Variants in ERCC1 observed in about 807,000 individuals in gnomAD.
ERCC1 encodes ERCC excision repair 1, endonuclease non-catalytic subunit.
ERCC1 carries 36 observed loss-of-function variants against 37.6 expected under a neutral mutation model. That is an observed-to-expected ratio of 0.96 (90% CI 0.73 to 1.26). ERCC1 has a LOEUF of 1.26. Among genes scored for constraint, ERCC1 ranks in the 50% most tolerant of loss-of-function variants. ERCC1 has a pLI of 0.00. For synonymous variants in ERCC1, 156 were observed against 162.1 expected, an observed-to-expected ratio of 0.96 and a Z score of 0.28; for missense variants, 349 against 376.5, an observed-to-expected ratio of 0.93 and a Z score of 0.60.
chr19:45,420,548 C>G lies in ERCC1; in HGVS notation c.322-121G>C, dbSNP rs1974354365. 9 of 712,282 alleles carry G rather than the reference C, an allele frequency of 1.3e-5. No homozygotes were observed. Among genetic ancestry groups the G allele is most frequent in the Non-Finnish European group, 2.3e-5 (9 of 392,464 alleles). The allele number at this position is 712,282 out of a possible 1,614,324, so 44.1% of individuals were successfully genotyped here. On this transcript the variant is annotated intron_variant, in intron 3 of 9. Coordinates refer to ENST00000300853, the MANE Select transcript of ERCC1 (RefSeq NM_001983.4). This position sits in a 1 kb window ranked among gnomAD's most constrained non-coding sequence, Gnocchi z 4.8. ...CACCTCTTCCCACACCTCCTGCCTC[C>G]TCGCACCTCTTCCCACACCTCCTCC...
At chr19:45,427,157 A>C (rs529314910), upstream of ERCC1, among the ~76,000 whole-genome samples, 6 of 151,764 alleles carry the variant, frequency 4.0e-5, no homozygotes, top group Non-Finnish European at 5.9e-5. Flanking sequence ...AACAAACAAA[A>C]AAACGAAAGA....
Position 45,420,215 on chromosome 19 carries a change from G to A in ERCC1, c.425+109C>T. 1 of 785,566 alleles carries A rather than the reference G, an allele frequency of 1.3e-6. No homozygotes were observed. The highest frequency in any genetic ancestry group is 2.2e-6 in the Non-Finnish European group (1 of 457,700). 48.7% of individuals were successfully genotyped at this position (785,566 alleles called of 1,614,324 possible). A position where few individuals can be genotyped will look rare whatever the true frequency, so the allele number is the denominator to read the frequency against. On this transcript the variant is annotated intron_variant, in intron 4 of 9. Coordinates refer to ENST00000300853, the MANE Select transcript of ERCC1 (RefSeq NM_001983.4). This position sits in a 1 kb window ranked among gnomAD's most constrained non-coding sequence, Gnocchi z 4.8. ...GTCCCACCAAGGCCCAGAACCTGCA[G>A]GACCATGCCCAGAGGCTTCTCATAG...
chr19:45,422,564 G>A (rs3212942), intron 2 of ERCC1, among the ~76,000 whole-genome samples: 2,108 of 152,118 alleles, frequency 0.014, 29 homozygotes, highest in South Asian at 0.054. Flanking sequence ...CTTGAGGTTC[G>A]AGACCAGCCT....
At position 45,419,142 on chromosome 19, in the gene ERCC1, C is replaced by G; in HGVS notation, c.481G>C (p.Gly161Arg). Residue 161 changes from glycine to arginine, a missense_variant, in exon 5 of 10, where the codon GGG becomes CGG. Coordinates refer to ENST00000300853, the MANE Select transcript of ERCC1 (RefSeq NM_001983.4). ...DYIHGRLQSL[G>R]KNFALRVLLV... ...AGGACCCGCAAGGCGAAGTTCTTCC[C>G]CAGGCTCTGCAGCCGCCCATGGATG... The G allele has an allele frequency of 6.3e-7, 1 of 1,596,570 alleles. No homozygotes were observed. Among genetic ancestry groups the G allele is most frequent in the Non-Finnish European group, 8.5e-7 (1 of 1,170,784 alleles).
At position 45,423,872 on chromosome 19, in the gene ERCC1, C is replaced by T; in HGVS notation, c.-99G>A. On this transcript the variant is annotated 5_prime_UTR_variant, in exon 1 of 10. Coordinates refer to ENST00000300853, the MANE Select transcript of ERCC1 (RefSeq NM_001983.4). ...AAAGACTGCAGAGGGATCGAGGCGG[C>T]CCACTGCCAGCACGGCCAGCGTGGC... 4 of 1,106,386 alleles carry T rather than the reference C, an allele frequency of 3.6e-6. No homozygotes were observed. The highest frequency in any genetic ancestry group is 2.2e-6 in the Non-Finnish European group (2 of 901,756). 68.5% of individuals were successfully genotyped at this position (1,106,386 alleles called of 1,614,324 possible). A position where few individuals can be genotyped will look rare whatever the true frequency, so the allele number is the denominator to read the frequency against.
At chr19:45,433,111 C>A (rs1002027962) in intron 1 of ERCC1, among the ~76,000 whole-genome samples, 1 of 151,760 alleles carries the variant, frequency 6.6e-6, no homozygotes, top group African/African-American at 2.4e-5. Context: ...TGGATTAGGC[C>A]GGGTGCGGTG....
rs751903865 is a variant in ERCC1 at position 45,421,183 on chromosome 19, G to C, written c.316C>G (p.Arg106Gly). Residue 106 changes from arginine to glycine, a missense_variant, in exon 3 of 10, where the codon CGG (arginine) becomes GGG (glycine). Transcript: ENST00000300853. ...AKSNSIIVSP[R>G]QRGNPVLKFV... ...TTCTCCGTCTCCCTCCTCACCTGCC[G>C]AGGGCTCACAATGATGCTGTTGGAT... The C allele has an allele frequency of 3.1e-6, 5 of 1,613,810 alleles. No homozygotes were observed. Among genetic ancestry groups the C allele is most frequent in the Middle Eastern group, 3.3e-4 (2 of 6,002 alleles).
At chr19:45,416,026 T>C (rs1974049654) in intron 6 of ERCC1, among the ~76,000 whole-genome samples, 1 of 152,040 alleles carries the variant, frequency 6.6e-6, no homozygotes, top group African/African-American at 2.4e-5. Context: ...TCTCAGCTGC[T>C]CGGGAGGCTG....
intron 1 of ERCC1, among the ~76,000 whole-genome samples, chr19:45,441,642 C>G (rs1234091922): frequency 6.8e-6 from 1 of 147,890 alleles, no homozygotes; most frequent in East Asian, 2.0e-4. Flanking sequence ...CCCAAAGTGC[C>G]GGGATTACAG....
chr19:45,440,885 C>T (rs1382927202), intron 1 of ERCC1, among the ~76,000 whole-genome samples: 2 of 152,078 alleles, frequency 1.3e-5, no homozygotes, highest in African/African-American at 2.4e-5. Context: ...AGGTGTGCAC[C>T]AGCACACCTG....
At position 45,423,910 on chromosome 19, in the gene ERCC1, G is replaced by A. The variant is rs900879014; in HGVS notation, c.-137C>T. The stretch of plus-strand genomic sequence containing the variant: ...CGGCCAGCGTGGCCCAGGGCTCGCA[G>A]CACTTCCGGCCTCTCTGGCCCCGCT... On this transcript the variant is annotated 5_prime_UTR_variant, in exon 1 of 10. Transcript: ENST00000300853. The A allele has an allele frequency of 6.3e-6, 7 of 1,103,338 alleles. No homozygotes were observed. Among genetic ancestry groups the A allele is most frequent in the Non-Finnish European group, 7.8e-6 (7 of 900,228 alleles). 68.3% of individuals were successfully genotyped at this position (1,103,338 alleles called of 1,614,324 possible). A position where few individuals can be genotyped will look rare whatever the true frequency, so the allele number is the denominator to read the frequency against.
rs573044615 is a variant in ERCC1, at chr19:45,429,669, C to T, written c.-7-6288G>A. On this transcript the variant is annotated intron_variant, in intron 1 of 8. Coordinates refer to the ERCC1 transcript ENST00000423698. The stretch of plus-strand genomic sequence containing the variant: ...AGAGCACATGCCATTCTCCACTTGT[C>T]ACGATTTCTTGCATACTGTTCCCAT... Among the ~76,000 whole-genome samples, 6 of 152,306 alleles carry T rather than the reference C, an allele frequency of 3.9e-5. No individual in the cohort carries two copies. The South Asian group carries it at 1.2e-3, about 32-fold the overall frequency.
At chr19:45,411,782 A>G (rs1450839265) in intron 9 of ERCC1, among the ~76,000 whole-genome samples, 2 of 151,878 alleles carry the variant, frequency 1.3e-5, no homozygotes, top group South Asian at 2.1e-4. Context: ...CAACAGAGTG[A>G]GACTCCATCT....
intron 9 of ERCC1, chr19:45,413,358 C>T (rs1017676925): frequency 1.7e-6 from 1 of 588,932 alleles, no homozygotes; most frequent in African/African-American, 1.9e-5. Context: ...CCTCAACCTC[C>T]TGGGCTCAAG....
intron 2 of ERCC1, among the ~76,000 whole-genome samples, chr19:45,422,768 T>C (rs898972655): frequency 6.6e-6 from 1 of 151,698 alleles, no homozygotes; most frequent in Non-Finnish European, 1.5e-5. Context: ...AAAAAATAAA[T>C]AAATAAATAA....
At position 45,408,599 on chromosome 19, in the gene ERCC1, C is replaced by T. The variant is rs751999730; in HGVS notation, c.*1076G>A. 4 of 1,613,076 alleles carry T rather than the reference C, an allele frequency of 2.5e-6. No individual in the cohort carries two copies. The highest frequency in any genetic ancestry group is 1.3e-5 in the African/African-American group (1 of 74,696). ...TTTGGGGTCGCCAGAAATGGATGTG[C>T]GGAAGAAGAAGAAGAAAAAAAATCA... On this transcript the variant is annotated 3_prime_UTR_variant, in exon 10 of 10. Coordinates refer to ENST00000300853, the MANE Select transcript of ERCC1 (RefSeq NM_001983.4).
At chr19:45,451,213 C>T (rs957534564) in intron 1 of ERCC1, among the ~76,000 whole-genome samples, 7 of 152,188 alleles carry the variant, frequency 4.6e-5, no homozygotes, top group Non-Finnish European at 5.9e-5. Context: ...GCCCCCTCCT[C>T]CCCGGCATGT....
chr19:45,423,809 C>T lies in ERCC1; in HGVS notation c.-36G>A. 1 of 1,129,622 alleles carries T rather than the reference C, an allele frequency of 8.9e-7. No homozygotes were observed. Among genetic ancestry groups the T allele is most frequent in the Non-Finnish European group, 1.1e-6 (1 of 914,802 alleles). 70.0% of individuals were successfully genotyped at this position (1,129,622 alleles called of 1,614,324 possible). On this transcript the variant is annotated 5_prime_UTR_variant, in exon 1 of 10. Coordinates refer to ENST00000300853, the MANE Select transcript of ERCC1 (RefSeq NM_001983.4). ...TGGTCCGGGCCTCACGGTTTCAGCG[C>T]CGCGAGGCCTCACCTGCTGGTCTTG...
chr19:45,424,647 A>G (rs1974627339), upstream of ERCC1, among the ~76,000 whole-genome samples: 1 of 152,168 alleles, frequency 6.6e-6, no homozygotes, highest in Non-Finnish European at 1.5e-5. Context: ...GCTTGCTCAT[A>G]TTCCTTGTCC....
Sources: allele counts gnomAD v4.1 joint callset (sites outside exome capture counted in the v4.1 genomes callset), GRCh38; gene constraint gnomAD v4.1.1; non-coding constraint Gnocchi (gnomAD v3.1); transcripts MANE v1.5; gene names NCBI Gene and HGNC (gene_info 2026-07-23, HGNC 2026-07-21).